ATXN7L1: variants seen among roughly 807,000 people sequenced by gnomAD.
The protein encoded by ATXN7L1 is ataxin 7 like 1.
Under a neutral mutation model 70.8 loss-of-function variants are expected in ATXN7L1, and 15 were observed. The ratio of observed to expected loss-of-function variants is 0.21; its 90% CI spans 0.14 to 0.33. The LOEUF (loss-of-function observed/expected upper bound fraction) is 0.33. Among genes scored for constraint, ATXN7L1 ranks in the 10% least tolerant of loss-of-function variants. The pLI is 1.00. For synonymous variants in ATXN7L1, 440 were observed against 445.1 expected (o/e 0.99, Z 0.14); for missense variants, 975 against 1,097.1 (o/e 0.89, Z 1.57).
At chr7:105,787,369 T>A (rs1217015131) in intron 3 of ATXN7L1, among the ~76,000 whole-genome samples, 1 of 152,074 alleles carries the variant, frequency 6.6e-6, no homozygotes, top group Non-Finnish European at 1.5e-5. Context: ...CTATAGCGCT[T>A]TCTAGGGCCC....
At chr7:105,633,290 T>TCACTTGGATCCAGGAAACAGG (rs1293523354) in intron 7 of ATXN7L1, among the ~76,000 whole-genome samples, 1 of 152,168 alleles carries the variant, frequency 6.6e-6, no homozygotes, top group Non-Finnish European at 1.5e-5. Flanking sequence ...AAGGAGGCAG[T>TCACTTGGATCCAGGAAACAGG]CACTTGGATC....
At chr7:105,619,527 TATA>T (rs1437734772) in intron 9 of ATXN7L1, among the ~76,000 whole-genome samples, 7 of 14,854 alleles carry the variant, frequency 4.7e-4, no homozygotes, top group East Asian at 2.2e-3. Context: ...TATATATATA[TATA>T]TTTTTTTTTT....
intron 3 of ATXN7L1, among the ~76,000 whole-genome samples, chr7:105,726,765 G>T (rs1038736082): frequency 5.9e-5 from 9 of 152,182 alleles, no homozygotes; most frequent in African/African-American, 2.2e-4. Flanking sequence ...CCCTGTGCCT[G>T]CCATCTTGGT....
chr7:105,645,981 C>T (rs921671658), intron 4 of ATXN7L1, among the ~76,000 whole-genome samples: 2 of 149,968 alleles, frequency 1.3e-5, no homozygotes, highest in African/African-American at 4.9e-5. Context: ...TACTCCCACC[C>T]GGGCGACAGA....
chr7:105,724,446 T>C (rs1795557951), intron 3 of ATXN7L1, among the ~76,000 whole-genome samples: 1 of 151,610 alleles, frequency 6.6e-6, no homozygotes, highest in South Asian at 2.1e-4. Context: ...TGGTGGTGCA[T>C]GCCTGTAATC....
At chr7:105,819,557 C>T (rs914919837) in intron 2 of ATXN7L1, 14 of 1,355,538 alleles carry the variant, frequency 1.0e-5, no homozygotes, top group Middle Eastern at 1.9e-4. Flanking sequence ...TGGCGGCCAT[C>T]GTGGCTAAGT....
intron 2 of ATXN7L1, among the ~76,000 whole-genome samples, chr7:105,837,320 T>C (rs974770919): frequency 6.6e-6 from 1 of 152,264 alleles, no homozygotes; most frequent in Admixed American, 6.5e-5. Context: ...TCCTTCCTAC[T>C]TCTTTGAATC....
At chr7:105,793,411 T>C (rs1170080132) in intron 2 of ATXN7L1, among the ~76,000 whole-genome samples, 1 of 152,146 alleles carries the variant, frequency 6.6e-6, no homozygotes, top group Non-Finnish European at 1.5e-5. Context: ...AAAGCTTTCA[T>C]CATTACCTCT....
intron 3 of ATXN7L1, among the ~76,000 whole-genome samples, chr7:105,748,131 AAAAG>A (rs1242144764): frequency 6.6e-5 from 10 of 152,086 alleles, no homozygotes; most frequent in Non-Finnish European, 1.2e-4. Flanking sequence ...AAAAAAAAAA[AAAAG>A]AAGTCTTCTG....
At chr7:105,815,649 A>G (rs1207143319) in intron 2 of ATXN7L1, among the ~76,000 whole-genome samples, 1 of 152,254 alleles carries the variant, frequency 6.6e-6, no homozygotes. Context: ...ACTCTTTCTC[A>G]GGAAGCTGTC....
chr7:105,689,248 T>A (rs2116189152), intron 3 of ATXN7L1, among the ~76,000 whole-genome samples: 1 of 152,160 alleles, frequency 6.6e-6, no homozygotes, highest in East Asian at 1.9e-4. Context: ...AAACAGCAGC[T>A]ATGTCACTGG....
chr7:105,763,687 T>G (rs1800844271), intron 3 of ATXN7L1, among the ~76,000 whole-genome samples: 1 of 152,186 alleles, frequency 6.6e-6, no homozygotes, highest in South Asian at 2.1e-4. Context: ...ATTCCAAAAC[T>G]GGATGAAGAT....
Position 105,610,572 on chromosome 7 carries a change from T to C in ATXN7L1, c.2504A>G (p.Gln835Arg), listed in dbSNP as rs766929488. The change falls in exon 11 of 12, where the codon CAA becomes CGA. Residue 835 changes from glutamine (Q) to arginine (R), a missense_variant. This residue lies in a region of ATXN7L1 where 635 missense variants were observed against 699.4 expected (regional missense o/e 0.91). Coordinates refer to ENST00000419735, the MANE Select transcript of ATXN7L1 (RefSeq NM_020725.2). ...GCTGGATATACTTGAAGGACTGGATTGTGACAAAGCTAGGCTGCTATTTTT... is the reference window on the plus strand; with the variant it reads ...GCTGGATATACTTGAAGGACTGGATCGTGACAAAGCTAGGCTGCTATTTTT... ...VGKNSSLALS[Q>R]SSPSSISSPG... is the part of the protein sequence containing the mutation. 2 of 1,551,272 alleles carry C rather than the reference T, an allele frequency of 1.3e-6. No individual in the cohort carries two copies. The highest frequency in any genetic ancestry group is 2.7e-5 in the African/African-American group (2 of 72,928).
intron 2 of ATXN7L1, among the ~76,000 whole-genome samples, chr7:105,797,793 G>T (rs148462664): frequency 6.6e-6 from 1 of 152,192 alleles, no homozygotes; most frequent in East Asian, 1.9e-4. Context: ...GGCAAAGCCC[G>T]GCAGCTTTCC....
intron 11 of ATXN7L1, among the ~76,000 whole-genome samples, chr7:105,608,649 G>A (rs115949756): frequency 2.1e-3 from 317 of 152,252 alleles, no homozygotes; most frequent in Middle Eastern, 6.8e-3. Flanking sequence ...GTATAAATGT[G>A]CCTTCCCACC....
chr7:105,637,048 T>C (rs1467793068), intron 7 of ATXN7L1, among the ~76,000 whole-genome samples: 7 of 152,186 alleles, frequency 4.6e-5, no homozygotes, highest in Non-Finnish European at 1.0e-4. Context: ...CATTATAAAA[T>C]GATCTTGCAA....
intron 3 of ATXN7L1, among the ~76,000 whole-genome samples, chr7:105,739,380 A>G (rs1477532576): frequency 6.6e-6 from 1 of 152,234 alleles, no homozygotes; most frequent in Non-Finnish European, 1.5e-5. Context: ...CATGTACCCT[A>G]AAGTTTGAGA....
intron 11 of ATXN7L1, among the ~76,000 whole-genome samples, chr7:105,610,208 A>G (rs1418270369): frequency 1.3e-5 from 2 of 152,270 alleles, no homozygotes; most frequent in African/African-American, 4.8e-5. Context: ...GCTGGTAATA[A>G]TAGCTAACAC....
intron 3 of ATXN7L1, among the ~76,000 whole-genome samples, chr7:105,702,252 T>A (rs914782582): frequency 6.6e-6 from 1 of 152,166 alleles, no homozygotes; most frequent in Non-Finnish European, 1.5e-5. Context: ...AGTTCACAGA[T>A]GAGGAATCTA....
Sources: gnomAD v4.1 joint callset for allele counts (sites outside exome capture counted in the v4.1 genomes callset) on GRCh38, gnomAD v4.1.1 for gene constraint, gnomAD v4.1.1 regional missense constraint, MANE v1.5 for transcripts, NCBI Gene and HGNC (gene_info 2026-07-23, HGNC 2026-07-21) for gene names.